PCBP3: variants seen among roughly 807,000 people sequenced by gnomAD.
PCBP3 encodes the protein poly(rC)-binding protein 3.
Under a neutral mutation model 52.7 loss-of-function variants are expected in PCBP3, and 25 were observed. The observed-to-expected ratio is 0.47, with a 90% CI of 0.35 to 0.66. PCBP3 has a LOEUF of 0.66. Among genes scored for constraint, PCBP3 ranks in the 30% least tolerant of loss-of-function variants. The pLI, the probability that PCBP3 is intolerant of heterozygous loss-of-function variation, is 0.01. For missense variants in PCBP3, 391 were observed against 490.3 expected (o/e 0.80, Z 1.91); for synonymous variants, 162 against 183.0 (o/e 0.89, Z 0.93).
intron 16 of PCBP3, among the ~76,000 whole-genome samples, chr21:45,937,557 C>T (rs111928452): frequency 1.5e-3 from 229 of 152,308 alleles, no homozygotes; most frequent in African/African-American, 4.8e-3. Flanking sequence ...CTGCAGTTCC[C>T]GTGGAATTTG....
At chr21:45,820,161 G>A (rs934323687) in intron 4 of PCBP3, among the ~76,000 whole-genome samples, 1 of 152,224 alleles carries the variant, frequency 6.6e-6, no homozygotes, top group South Asian at 2.1e-4. Flanking sequence ...CCTGGCTCTC[G>A]GCTATGTGTG....
chr21:45,797,749 AGAGAGT>A (rs2092035060), intron 4 of PCBP3, among the ~76,000 whole-genome samples: 1 of 101,242 alleles, frequency 9.9e-6, no homozygotes, highest in Admixed American at 1.0e-4. Context: ...GGATCCATAG[AGAGAGT>A]GAATGGATGT....
intron 8 of PCBP3, 47 bp downstream of exon 8, chr21:45,900,670 C>A: frequency 3.6e-6 from 2 of 554,516 alleles, no homozygotes; most frequent in Non-Finnish European, 7.2e-6. Flanking sequence ...CCCGGGTGGG[C>A]GGGGTGGGTC....
intron 4 of PCBP3, among the ~76,000 whole-genome samples, chr21:45,847,407 C>G (rs944225109): frequency 4.6e-5 from 7 of 152,208 alleles, no homozygotes; most frequent in Admixed American, 3.9e-4. Context: ...CTTACCCTCA[C>G]TTTCTCTTTT....
chr21:45,740,732 C>T (rs549014945), intron 3 of PCBP3, among the ~76,000 whole-genome samples: 11 of 150,504 alleles, frequency 7.3e-5, no homozygotes, highest in South Asian at 2.1e-4. Flanking sequence ...TAGGTGTGCA[C>T]GCATGCGTGT....
intron 1 of PCBP3, among the ~76,000 whole-genome samples, chr21:45,646,083 T>TCTCTCTCTCTCTCTC (rs1206207801): frequency 2.0e-4 from 20 of 99,588 alleles, no homozygotes; most frequent in South Asian, 3.5e-4. Context: ...CTCTCTCTCT[T>TCTCTCTCTCTCTCTC]TCTCTCTCTC....
chr21:45,701,283 G>A (rs2083107349), intron 2 of PCBP3, among the ~76,000 whole-genome samples: 1 of 152,154 alleles, frequency 6.6e-6, no homozygotes, highest in Non-Finnish European at 1.5e-5. Flanking sequence ...GGCAGCATCT[G>A]GTGACAGCTT....
chr21:45,713,261 T>C (rs2083974990), intron 2 of PCBP3, among the ~76,000 whole-genome samples: 1 of 152,208 alleles, frequency 6.6e-6, no homozygotes, highest in South Asian at 2.1e-4. Flanking sequence ...GCCCCTTCCT[T>C]GGCCTCGCAT....
chr21:45,906,571 G>C (rs943057202), intron 9 of PCBP3, among the ~76,000 whole-genome samples: 3 of 152,146 alleles, frequency 2.0e-5, no homozygotes, highest in African/African-American at 7.2e-5. Flanking sequence ...AGCCTTTAGA[G>C]GCTCTGCCCC....
At chr21:45,712,368 C>T (rs7278438) in intron 2 of PCBP3, among the ~76,000 whole-genome samples, 1 of 152,182 alleles carries the variant, frequency 6.6e-6, no homozygotes, top group Admixed American at 6.5e-5. Flanking sequence ...TTCCACCAGC[C>T]GTGAATGAGA....
intron 3 of PCBP3, among the ~76,000 whole-genome samples, chr21:45,746,996 C>T (rs1055124069): frequency 6.6e-6 from 1 of 150,526 alleles, no homozygotes; most frequent in Non-Finnish European, 1.5e-5. Flanking sequence ...GTAGCGCACA[C>T]GGTGTTGTCA....
intron 13 of PCBP3, among the ~76,000 whole-genome samples, chr21:45,927,484 G>T (rs2075628264): frequency 6.7e-6 from 1 of 149,444 alleles, no homozygotes; most frequent in South Asian, 2.2e-4. Context: ...TTGGCACTTA[G>T]TCCTGTTCTC....
intron 2 of PCBP3, among the ~76,000 whole-genome samples, chr21:45,674,081 C>G (rs1420836853): frequency 6.6e-6 from 1 of 151,996 alleles, no homozygotes; most frequent in Non-Finnish European, 1.5e-5. Flanking sequence ...TGTAATGGAA[C>G]CATGTTTCTC....
chr21:45,676,310 T>G (rs1382821626), intron 2 of PCBP3, among the ~76,000 whole-genome samples: 1 of 152,218 alleles, frequency 6.6e-6, no homozygotes, highest in Non-Finnish European at 1.5e-5. Context: ...GTATCTGTCA[T>G]GGTGAGCTTG....
At chr21:45,923,576 C>A (rs989509536) in intron 13 of PCBP3, among the ~76,000 whole-genome samples, 1 of 152,154 alleles carries the variant, frequency 6.6e-6, no homozygotes, top group Non-Finnish European at 1.5e-5. Context: ...CCTCGGGCGA[C>A]TCACTGGCCC....
At chr21:45,911,148 G>A (rs1325962753) in intron 11 of PCBP3, 118 bp downstream of exon 11, 1 of 1,223,980 alleles carries the variant, frequency 8.2e-7, no homozygotes, top group Non-Finnish European at 1.2e-6. Flanking sequence ...GGGCTGTGGG[G>A]GGCTCCTGAC....
intron 2 of PCBP3, among the ~76,000 whole-genome samples, chr21:45,722,095 A>G (rs1407063201): frequency 6.6e-6 from 1 of 152,256 alleles, no homozygotes; most frequent in Non-Finnish European, 1.5e-5. Context: ...AACAATTGGA[A>G]GCAACCCAAA....
rs1006621006 is a variant in PCBP3, at chr21:45,720,534, C to A, written c.-199-14858C>A. Among the ~76,000 whole-genome samples the A allele has an allele frequency of 2.0e-5, 3 of 152,274 alleles. No individual in the cohort carries two copies. The East Asian group carries it at 5.8e-4, about 29-fold the overall frequency. On this transcript the variant is annotated intron_variant, in intron 2 of 17. Coordinates refer to ENST00000681687, the MANE Select transcript of PCBP3 (RefSeq NM_001384156.1). Reference sequence around the variant, plus strand: ...AATAAAAAAGTAATAAAAAAAGAATCAATTTTTAAAAACAATTTAAGCAGT... The same window carrying A: ...AATAAAAAAGTAATAAAAAAAGAATAAATTTTTAAAAACAATTTAAGCAGT...
intron 5 of PCBP3, among the ~76,000 whole-genome samples, chr21:45,879,729 G>C (rs575736544): frequency 6.6e-6 from 1 of 151,626 alleles, no homozygotes; most frequent in South Asian, 2.1e-4. Context: ...TAGTCAAAGA[G>C]GAAGTATAAA....
Sources: allele counts gnomAD v4.1 joint callset (sites outside exome capture counted in the v4.1 genomes callset), GRCh38; gene constraint gnomAD v4.1.1; transcripts MANE v1.5; gene names NCBI Gene and HGNC (gene_info 2026-07-23, HGNC 2026-07-21).